The following SLC2A5 variants were observed in gnomAD, a reference collection of about 807,000 sequenced individuals.
SLC2A5 encodes solute carrier family 2, facilitated glucose transporter member 5.
In SLC2A5, 56 loss-of-function variants were observed where a neutral mutation model predicts 50.3. The ratio of observed to expected loss-of-function variants is 1.11; its 90% confidence interval spans 0.90 to 1.39. The LOEUF (loss-of-function observed/expected upper bound fraction) is 1.39. Among genes scored for constraint, SLC2A5 ranks in the 40% most tolerant of loss-of-function variants. SLC2A5 has a pLI of 0.00. For synonymous variants in SLC2A5, 269 were observed against 281.9 expected (o/e 0.95, Z 0.46); for missense variants, 566 against 650.1 (o/e 0.87, Z 1.41).
Position 9,038,687 on chromosome 1 carries a change from C to T in SLC2A5, c.1098+141G>A, listed in dbSNP as rs975712912. On this transcript the variant is annotated intron_variant, in intron 9 of 11. Transcript: ENST00000377424. ...CTATGAGCTGGCAGGACACACGGTC[C>T]CCAGATGTCTGGCCAGTTGTATTTG... 7 of 1,352,732 alleles carry T rather than the reference C, an allele frequency of 5.2e-6. No individual in the cohort carries two copies. In the African/African-American group the frequency reaches 8.7e-5, roughly 17 times the overall value. 83.8% of individuals were successfully genotyped at this position (1,352,732 alleles called of 1,614,324 possible).
In SLC2A5 at chr1:9,058,162, G is replaced by C; in HGVS notation, c.122C>G (p.Ser41Cys). 1 of 1,612,782 alleles carries C rather than the reference G, an allele frequency of 6.2e-7. No homozygotes were observed. The highest frequency in any genetic ancestry group is 1.1e-5 in the South Asian group (1 of 91,052). The change falls in exon 2 of 12, where the codon TCC (serine) becomes TGC (cysteine). Residue 41 changes from serine to cysteine, a missense_variant. Ser to Cys is a moderately radical substitution (Grantham distance 112, BLOSUM62 -1). Transcript: ENST00000377424. ...ACCACAGTGACCTACCAGTGCTGGG[G>C]AGTTGACAGCAGCCACGTTGTACCC... ...QYGYNVAAVNSPALLMQQFYN... is the reference protein window; with the variant it reads ...QYGYNVAAVNCPALLMQQFYN...
At chr1:9,071,326 C>T (rs1642205983), upstream of SLC2A5, among the ~76,000 whole-genome samples, 1 of 152,210 alleles carries the variant, frequency 6.6e-6, no homozygotes, top group Non-Finnish European at 1.5e-5. Context: ...AGGAGAATAG[C>T]TGGAACCCGG....
chr1:9,039,733 G>A (rs1641245343), intron 7 of SLC2A5, 67 bp downstream of exon 7: 3 of 1,417,480 alleles, frequency 2.1e-6, no homozygotes, highest in Non-Finnish European at 2.8e-6. Flanking sequence ...CACGCCCGGC[G>A]CCCCAGGACC....
At chr1:9,079,581 G>A (rs113789623) in intron 2 of SLC2A5, among the ~76,000 whole-genome samples, 69 of 152,300 alleles carry the variant, frequency 4.5e-4, no homozygotes, top group African/African-American at 1.5e-3. Flanking sequence ...TGCCTCCTAG[G>A]CTCAAGTGAT....
At chr1:9,091,022 T>C (rs1401567288), upstream of SLC2A5, among the ~76,000 whole-genome samples, 1 of 152,234 alleles carries the variant, frequency 6.6e-6, no homozygotes, top group Non-Finnish European at 1.5e-5. Context: ...ATATCCAGGA[T>C]ATTCTGTCAG....
At chr1:9,053,720 T>G (rs1469860003) in intron 3 of SLC2A5, among the ~76,000 whole-genome samples, 4 of 148,752 alleles carry the variant, frequency 2.7e-5, no homozygotes, top group Non-Finnish European at 5.9e-5. Context: ...CTAAAAATAC[T>G]AAAATTGGCT....
chr1:9,056,441 A>T (rs1641753742), intron 3 of SLC2A5, among the ~76,000 whole-genome samples: 1 of 151,726 alleles, frequency 6.6e-6, no homozygotes, highest in African/African-American at 2.4e-5. Flanking sequence ...CGCCTCTGCC[A>T]CCCAAAGTGT....
upstream of SLC2A5, among the ~76,000 whole-genome samples, chr1:9,090,218 A>G (rs1642448919): frequency 6.6e-6 from 1 of 152,166 alleles, no homozygotes; most frequent in Non-Finnish European, 1.5e-5. Context: ...TATTATGTCA[A>G]GAACAGACCC....
intron 3 of SLC2A5, among the ~76,000 whole-genome samples, chr1:9,051,808 C>T (rs910533337): frequency 7.2e-5 from 11 of 152,158 alleles, no homozygotes; most frequent in Admixed American, 2.0e-4. Flanking sequence ...GAGCTGAAAA[C>T]GTATATCTAC....
chr1:9,039,668 A>G lies in SLC2A5; in HGVS notation c.886-6T>C, dbSNP rs769897. The stretch of plus-strand genomic sequence containing the variant: ...TGGTCCGCGTAGTAGTAGATCTGCA[A>G]GGCAAGCGCGGGGCTGGGCGGCTGC... On this transcript the variant is annotated splice_region_variant and splice_polypyrimidine_tract_variant and intron_variant, in intron 7 of 11. Coordinates refer to ENST00000377424, the MANE Select transcript of SLC2A5 (RefSeq NM_003039.3). 0.045 allele frequency: 68,829 copies of G among 1,529,806 alleles called. 1,786 individuals are homozygous for G. Among genetic ancestry groups the G allele is most frequent in the Middle Eastern group, 0.096 (569 of 5,914 alleles). 94.8% of individuals were successfully genotyped at this position (1,529,806 alleles called of 1,614,324 possible).
At chr1:9,059,539 T>TG (rs1205064937) in intron 1 of SLC2A5, among the ~76,000 whole-genome samples, 1 of 93,390 alleles carries the variant, frequency 1.1e-5, no homozygotes, top group Non-Finnish European at 2.1e-5. Context: ...AGAGAATCTT[T>TG]TTTTTTTTTT....
chr1:9,090,358 T>C (rs1410021572), upstream of SLC2A5, among the ~76,000 whole-genome samples: 1 of 152,160 alleles, frequency 6.6e-6, no homozygotes, highest in Admixed American at 6.5e-5. Context: ...CACTGAAGAA[T>C]CCTAAGCACT....
At position 9,088,423 on chromosome 1, in the gene SLC2A5, C is replaced by T. The variant is rs533463497; in HGVS notation, c.-239G>A. The T allele has an allele frequency of 2.0e-5, 3 of 152,410 alleles. No homozygotes were observed. The South Asian group carries it at 6.2e-4, about 32-fold the overall frequency. 9.4% of individuals were successfully genotyped at this position (152,410 alleles called of 1,614,324 possible). A position where few individuals can be genotyped will look rare whatever the true frequency, so the allele number is the denominator to read the frequency against. ...GGGTGGCTGCAGTTTGCCAACCACC[C>T]CTGGTGGTGGTTCGGCATCTGGCCA... On this transcript the variant is annotated 5_prime_UTR_variant, in exon 1 of 6. Coordinates refer to the SLC2A5 transcript ENST00000464985.
At chr1:9,070,747 C>G (rs949669695), upstream of SLC2A5, among the ~76,000 whole-genome samples, 3 of 152,052 alleles carry the variant, frequency 2.0e-5, no homozygotes, top group South Asian at 2.1e-4. Flanking sequence ...AGACTGGGAG[C>G]CTGTGTTAGG....
At chr1:9,070,070 C>CTTTTT (rs1304607151), upstream of SLC2A5, among the ~76,000 whole-genome samples, 1 of 88,220 alleles carries the variant, frequency 1.1e-5, no homozygotes, top group Non-Finnish European at 2.1e-5. Context: ...TTCTCATTTT[C>CTTTTT]TGTTTTTTTT....
At chr1:9,079,082 G>A (rs1642324739) in intron 2 of SLC2A5, among the ~76,000 whole-genome samples, 1 of 152,086 alleles carries the variant, frequency 6.6e-6, no homozygotes. Context: ...ACCCCACCTT[G>A]GGCATGCCAC....
At chr1:9,041,750 G>C in intron 5 of SLC2A5, 35 bp downstream of exon 5, 1 of 1,614,030 alleles carries the variant, frequency 6.2e-7, no homozygotes, top group East Asian at 2.2e-5. Flanking sequence ...TAGTGGTGAA[G>C]GGGTGGGGGT....
upstream of SLC2A5, among the ~76,000 whole-genome samples, chr1:9,092,609 T>C (rs753822337): frequency 2.0e-5 from 3 of 152,206 alleles, no homozygotes; most frequent in Admixed American, 6.5e-5. Flanking sequence ...GTTCAATTTC[T>C]TTTAGTTCTG....
intron 1 of SLC2A5, among the ~76,000 whole-genome samples, chr1:9,062,842 A>G (rs1641980009): frequency 6.6e-6 from 1 of 152,178 alleles, no homozygotes; most frequent in African/African-American, 2.4e-5. Context: ...ATTGCACTCC[A>G]GTCTGGGAAA....
Sources: allele counts gnomAD v4.1 joint callset (sites outside exome capture counted in the v4.1 genomes callset), GRCh38; gene constraint gnomAD v4.1.1; transcripts MANE v1.5; gene names NCBI Gene and HGNC (gene_info 2026-07-23, HGNC 2026-07-21).